The following TRAF6 variants were observed in gnomAD, a reference collection of about 807,000 sequenced individuals.
TRAF6 encodes TNF receptor associated factor 6.
TRAF6 carries 10 observed loss-of-function variants against 48.4 expected under a neutral mutation model. The ratio of observed to expected loss-of-function variants is 0.21; its 90% CI spans 0.13 to 0.35. The LOEUF (loss-of-function observed/expected upper bound fraction) is 0.35. TRAF6 is among the 10% of genes least tolerant of loss of function. The pLI is 1.00. For missense variants in TRAF6, 397 were observed against 661.0 expected (o/e 0.60, Z 4.38); for synonymous variants, 186 against 219.6 (o/e 0.85, Z 1.35).
At chr11:36,491,170 A>C (rs765376047) in intron 6 of TRAF6, among the ~76,000 whole-genome samples, 2 of 152,138 alleles carry the variant, frequency 1.3e-5, no homozygotes, top group Non-Finnish European at 2.9e-5. Flanking sequence ...TAAAGTCAAG[A>C]ATATAGTCTA....
intron 2 of TRAF6, among the ~76,000 whole-genome samples, chr11:36,498,972 A>C (rs1859678831): frequency 6.6e-6 from 1 of 152,240 alleles, no homozygotes; most frequent in East Asian, 1.9e-4. Context: ...GAATTTTGGC[A>C]GTCTGGCCTC....
intron 1 of TRAF6, among the ~76,000 whole-genome samples, chr11:36,509,618 C>A (rs1386660777): frequency 2.0e-5 from 3 of 151,980 alleles, no homozygotes; most frequent in Admixed American, 6.6e-5. Flanking sequence ...GGGGAAAAAG[C>A]GGAGTTGAGG....
rs568594213 is a variant in TRAF6 at position 36,505,500 on chromosome 11, G to A, written c.-22-3963C>T. On this transcript the variant is annotated intron_variant, in intron 1 of 6. Coordinates refer to ENST00000526995, the MANE Select transcript of TRAF6 (RefSeq NM_004620.4). ...TGAAGAGAATTAGGACCTTGCTCTG[G>A]ATTAGGTTTTGGATTAAGGAAATGT... Among the ~76,000 whole-genome samples, 10 of 152,254 alleles carry A rather than the reference G, an allele frequency of 6.6e-5. No individual in the cohort carries two copies. In the South Asian group the frequency reaches 2.1e-3, roughly 32 times the overall value.
intron 1 of TRAF6, among the ~76,000 whole-genome samples, chr11:36,507,134 A>G (rs10768213): frequency 0.68 from 56,265 of 82,796 alleles, 19,946 homozygotes; most frequent in East Asian, 0.83. Flanking sequence ...TTATACATAC[A>G]TAAATGTATA....
In TRAF6 at chr11:36,486,864, G is replaced by T. The variant is rs1229402012; in HGVS notation, c.*2974C>A. ...AGCACTTTGGGAGGCTGAGGCGGGC[G>T]GATCATCTGAGGTCAGGAGTTCCAG... On this transcript the variant is annotated 3_prime_UTR_variant, in exon 7 of 7. Transcript: ENST00000526995. 2.0e-5 allele frequency among the ~76,000 whole-genome samples: 3 copies of T among 152,136 alleles called. No individual in the cohort carries two copies. Among genetic ancestry groups the T allele is most frequent in the South Asian group, 4.1e-4 (2 of 4,822 alleles).
At chr11:36,503,964 TA>T (rs1157823465) in intron 1 of TRAF6, among the ~76,000 whole-genome samples, 2 of 152,258 alleles carry the variant, frequency 1.3e-5, no homozygotes, top group Admixed American at 6.5e-5. Context: ...GTTTACACTA[TA>T]CAGTAGTCTA....
At chr11:36,498,895 C>G (rs1859677913) in intron 2 of TRAF6, among the ~76,000 whole-genome samples, 1 of 152,086 alleles carries the variant, frequency 6.6e-6, no homozygotes, top group Non-Finnish European at 1.5e-5. Context: ...GGGATAGATT[C>G]CAGCTTTTTG....
At chr11:36,493,672 C>T (rs756458119) in intron 5 of TRAF6, among the ~76,000 whole-genome samples, 9 of 152,168 alleles carry the variant, frequency 5.9e-5, no homozygotes, top group Admixed American at 1.3e-4. Context: ...GACTAAAACC[C>T]AGGTTTTCTG....
chr11:36,508,887 T>A (rs1859850161), intron 1 of TRAF6, among the ~76,000 whole-genome samples: 2 of 152,206 alleles, frequency 1.3e-5, no homozygotes, highest in Admixed American at 1.3e-4. Context: ...TCCAAAAGTT[T>A]ACCGGCATCA....
At chr11:36,508,355 G>A (rs1859836971) in intron 1 of TRAF6, among the ~76,000 whole-genome samples, 1 of 151,826 alleles carries the variant, frequency 6.6e-6, no homozygotes, top group Admixed American at 6.6e-5. Flanking sequence ...TATTTCAGCC[G>A]TAAAATGAGT....
intron 1 of TRAF6, 164 bp from the exon 2 acceptor site, chr11:36,501,701 A>AT (rs1859718520): frequency 2.2e-6 from 1 of 464,206 alleles, no homozygotes. Context: ...GAGCTTTTTC[A>AT]TGACTATTAT....
chr11:36,508,762 T>TACTC (rs1376023246), intron 1 of TRAF6, among the ~76,000 whole-genome samples: 1 of 152,150 alleles, frequency 6.6e-6, no homozygotes, highest in Non-Finnish European at 1.5e-5. Context: ...TGCTGCAAAA[T>TACTC]ACTCAACTGT....
chr11:36,508,000 T>C (rs934495690), intron 1 of TRAF6, among the ~76,000 whole-genome samples: 3 of 151,292 alleles, frequency 2.0e-5, no homozygotes, highest in African/African-American at 7.3e-5. Context: ...GGACTACAGG[T>C]GTGTGCCACC....
intron 5 of TRAF6, 24 bp from the exon 6 acceptor site, chr11:36,492,652 A>G (rs745309793): frequency 6.4e-7 from 1 of 1,552,244 alleles, no homozygotes; most frequent in East Asian, 2.2e-5. Context: ...CAAAGGCTGA[A>G]AAATCTCTTC....
At chr11:36,505,679 C>G (rs1590646122) in intron 1 of TRAF6, among the ~76,000 whole-genome samples, 1 of 152,294 alleles carries the variant, frequency 6.6e-6, no homozygotes, top group African/African-American at 2.4e-5. Context: ...CTAAATGGCC[C>G]ATTTTGACTT....
chr11:36,492,784 A>G (rs1859581679), intron 5 of TRAF6, among the ~76,000 whole-genome samples, 156 bp from the exon 6 acceptor site: 1 of 152,238 alleles, frequency 6.6e-6, no homozygotes, highest in Non-Finnish European at 1.5e-5. Flanking sequence ...AATTAAAAGA[A>G]CATCTACTTT....
At chr11:36,507,067 ATATATACG>A (rs1300462145) in intron 1 of TRAF6, among the ~76,000 whole-genome samples, 1 of 151,144 alleles carries the variant, frequency 6.6e-6, no homozygotes, top group African/African-American at 2.4e-5. Flanking sequence ...AGTGCTTTGT[ATATATACG>A]TATATACACA....
intron 5 of TRAF6, among the ~76,000 whole-genome samples, chr11:36,492,920 G>GA (rs1036979263): frequency 6.6e-6 from 1 of 152,032 alleles, no homozygotes; most frequent in Admixed American, 6.6e-5. Flanking sequence ...GCACTTTACA[G>GA]AAAAAACACC....
At chr11:36,503,095 T>C (rs1414051526) in intron 1 of TRAF6, among the ~76,000 whole-genome samples, 1 of 152,210 alleles carries the variant, frequency 6.6e-6, no homozygotes, top group Admixed American at 6.5e-5. Flanking sequence ...CTTGGAGCTT[T>C]GCACTTTGTA....
Sources: allele counts gnomAD v4.1 joint callset (sites outside exome capture counted in the v4.1 genomes callset), GRCh38; gene constraint gnomAD v4.1.1; transcripts MANE v1.5; gene names NCBI Gene and HGNC (gene_info 2026-07-23, HGNC 2026-07-21).